Variants in LMF1 observed in about 807,000 individuals in gnomAD.
LMF1 encodes transmembrane protein 112.
LMF1 carries 68 observed loss-of-function variants against 60.6 expected under a neutral mutation model. The ratio of observed to expected loss-of-function variants is 1.12; its 90% confidence interval spans 0.92 to 1.37. The LOEUF is 1.37. LMF1 is among the 40% of genes most tolerant of loss of function. The probability of loss-of-function intolerance (pLI) is 0.00; values close to 1 mark genes in which losing one functional copy is unlikely to be tolerated. For missense variants in LMF1, 948 were observed against 767.2 expected (o/e 1.24, Z -2.78); for synonymous variants, 418 against 324.7 (o/e 1.29, Z -3.09).
At chr16:973,565 G>C (rs2073085447), upstream of LMF1, among the ~76,000 whole-genome samples, 3 of 152,150 alleles carry the variant, frequency 2.0e-5, no homozygotes, top group South Asian at 2.1e-4. Flanking sequence ...AGTGGTCCGG[G>C]GGTAGGACGT....
At position 862,585 on chromosome 16, in the gene LMF1, C is replaced by T. The variant is rs185842250; in HGVS notation, c.1529+6359G>A. Among the ~76,000 whole-genome samples, 537 of 152,214 alleles carry T rather than the reference C, an allele frequency of 3.5e-3. 5 individuals are homozygous for T. The highest frequency in any genetic ancestry group is 0.012 in the African/African-American group (516 of 41,542). On this transcript the variant is annotated intron_variant, in intron 10 of 10. Coordinates refer to ENST00000262301, the MANE Select transcript of LMF1 (RefSeq NM_022773.4). ...TCATAAAATAAATTGAGGCTGGGTA[C>T]AGTGGCTCATGCTTGTAATCCCAGC... is the stretch of plus-strand genomic sequence containing the variant.
At chr16:925,358 TAAC>T (rs1056268451) in intron 3 of LMF1, among the ~76,000 whole-genome samples, 11 of 152,218 alleles carry the variant, frequency 7.2e-5, no homozygotes, top group Admixed American at 2.0e-4. Flanking sequence ...CAGAAATGGC[TAAC>T]AACGTGATGG....
upstream of LMF1, among the ~76,000 whole-genome samples, chr16:972,981 AG>A (rs1182509987): frequency 2.0e-5 from 3 of 152,140 alleles, no homozygotes; most frequent in Non-Finnish European, 4.4e-5. Flanking sequence ...GGCCGGGGAG[AG>A]GTGGACCAGC....
Position 955,092 on chromosome 16 carries a change from C to G in LMF1, c.194-426G>C, listed in dbSNP as rs543546205. 2.8e-3 allele frequency among the ~76,000 whole-genome samples: 193 copies of G among 69,672 alleles called. 7 individuals are homozygous for G. The highest frequency in any genetic ancestry group is 6.4e-3 in the Middle Eastern group (1 of 156). 45.7% of individuals were successfully genotyped at this position (69,672 alleles called of 152,430 possible). A position where few individuals can be genotyped will look rare whatever the true frequency, so the allele number is the denominator to read the frequency against. The stretch of plus-strand genomic sequence containing the variant: ...ACATAAAATGCGTGCCCGCAGCAGA[C>G]GCGGTGTGTGCACACACACACACAC... On this transcript the variant is annotated intron_variant, in intron 1 of 10. Transcript: ENST00000262301.
chr16:948,555 C>G (rs2072318902), intron 2 of LMF1, among the ~76,000 whole-genome samples: 1 of 149,062 alleles, frequency 6.7e-6, no homozygotes, highest in Non-Finnish European at 1.5e-5. Flanking sequence ...GAGTCAGACA[C>G]AGCGACAGAG....
At chr16:971,006 G>C (rs762913351), upstream of LMF1, 3 of 630,060 alleles carry the variant, frequency 4.8e-6, no homozygotes, top group East Asian at 1.9e-4. Flanking sequence ...ACTCCCGGAG[G>C]CCCCGCCCAT....
intron 5 of LMF1, among the ~76,000 whole-genome samples, chr16:882,193 T>G (rs2151717365): frequency 6.6e-6 from 1 of 152,238 alleles, no homozygotes. Context: ...ATAAAGACGG[T>G]GACAAATGTA....
At chr16:950,626 G>A (rs1224178207) in intron 2 of LMF1, among the ~76,000 whole-genome samples, 6 of 142,462 alleles carry the variant, frequency 4.2e-5, no homozygotes, top group Admixed American at 1.4e-4. Flanking sequence ...TAGAGACAAC[G>A]ACAGAGTCAG....
intron 3 of LMF1, chr16:921,310 G>A (rs569042995): frequency 2.0e-5 from 3 of 152,406 alleles, no homozygotes; most frequent in Non-Finnish European, 4.4e-5. Context: ...GCCCTCCTGC[G>A]GTGAACAGTC....
chr16:910,971 C>T lies in LMF1; in HGVS notation c.623G>A (p.Trp208Ter). The change falls in exon 4 of 11, where the codon TGG becomes TAG. Residue 208 changes from tryptophan to a stop codon, truncating the protein, a stop_gained. Transcript: ENST00000262301. LOFTEE classifies it high-confidence loss of function. ...QHTPTSRIVL[W>*]GFRWLIFRIM... The stretch of plus-strand genomic sequence containing the variant: ...CCTGAAGATCAGCCACCGGAAGCCC[C>T]ACAGGACAATCCGGGATGTGGGGGT... 1 of 1,613,060 alleles carries T rather than the reference C, an allele frequency of 6.2e-7. No homozygotes were observed. Among genetic ancestry groups the T allele is most frequent in the African/African-American group, 1.3e-5 (1 of 75,036 alleles).
chr16:958,741 G>C (rs2072759400), intron 1 of LMF1, among the ~76,000 whole-genome samples: 1 of 152,162 alleles, frequency 6.6e-6, no homozygotes, highest in Non-Finnish European at 1.5e-5. Flanking sequence ...ACAAAAATTA[G>C]CTGGGCATAG....
At chr16:964,864 C>T (rs181568621) in intron 1 of LMF1, among the ~76,000 whole-genome samples, 75 of 152,356 alleles carry the variant, frequency 4.9e-4, no homozygotes, top group African/African-American at 1.5e-3. Flanking sequence ...GGCCCCACCT[C>T]GCCGAAGCAG....
intron 2 of LMF1, among the ~76,000 whole-genome samples, chr16:938,348 G>A (rs4984721): frequency 0.48 from 72,237 of 151,560 alleles, 18,845 homozygotes; most frequent in African/African-American, 0.7. Flanking sequence ...CAGCAGGGAC[G>A]GGGCTGGACG....
intron 6 of LMF1, chr16:871,785 G>A (rs549649698): frequency 6.2e-6 from 1 of 160,084 alleles, no homozygotes; most frequent in Admixed American, 6.2e-5. Flanking sequence ...GGGTGACACA[G>A]ACAACAGGGG....
rs1047392038 is a variant in LMF1 at position 909,364 on chromosome 16, G to A, written c.663+1567C>T. On this transcript the variant is annotated intron_variant, in intron 4 of 10. Coordinates refer to ENST00000262301, the MANE Select transcript of LMF1 (RefSeq NM_022773.4). ...GGACGTTACGATGCAGGGAACACACGGTGAGGAATGGGCCCAGACAGCCCC... is the reference window on the plus strand; with the variant it reads ...GGACGTTACGATGCAGGGAACACACAGTGAGGAATGGGCCCAGACAGCCCC... 3.3e-5 allele frequency among the ~76,000 whole-genome samples: 5 copies of A among 152,074 alleles called. No homozygotes were observed. In the East Asian group the frequency reaches 5.8e-4, roughly 18 times the overall value.
intron 2 of LMF1, among the ~76,000 whole-genome samples, chr16:940,395 C>T (rs887728266): frequency 3.3e-5 from 5 of 151,990 alleles, no homozygotes; most frequent in African/African-American, 4.8e-5. Context: ...ACAGGCTCAC[C>T]CACCGGGGAC....
chr16:926,493 C>T (rs117044305), intron 3 of LMF1, among the ~76,000 whole-genome samples: 43 of 152,328 alleles, frequency 2.8e-4, no homozygotes, highest in South Asian at 4.2e-4. Context: ...CATGTGCGCA[C>T]GTGTGTTTGC....
intron 3 of LMF1, among the ~76,000 whole-genome samples, chr16:911,422 C>T (rs982596424): frequency 2.2e-4 from 34 of 152,106 alleles, no homozygotes; most frequent in Admixed American, 3.9e-4. Flanking sequence ...CACATGCTGC[C>T]GGCAGACTTT....
At chr16:873,378 A>G (rs778681186) in intron 6 of LMF1, 3 of 151,894 alleles carry the variant, frequency 2.0e-5, no homozygotes, top group Non-Finnish European at 2.9e-5. Context: ...AGCGGAGGCG[A>G]GGCCCGAGGG....
Sources: gnomAD v4.1 joint callset for allele counts (sites outside exome capture counted in the v4.1 genomes callset) on GRCh38, gnomAD v4.1.1 for gene constraint, MANE v1.5 for transcripts, NCBI Gene and HGNC (gene_info 2026-07-23, HGNC 2026-07-21) for gene names.